Variants in RRM2 observed in about 807,000 individuals in gnomAD.
RRM2 encodes the protein ribonucleoside-diphosphate reductase subunit M2.
A neutral mutation model predicts 45.9 loss-of-function variants in RRM2; 6 were observed. That is an observed-to-expected ratio of 0.13 (90% CI 0.07 to 0.26). The LOEUF (loss-of-function observed/expected upper bound fraction) is 0.26, where lower values mean the gene tolerates loss of function less well. Among genes scored for constraint, RRM2 ranks in the 10% least tolerant of loss-of-function variants. The probability of loss-of-function intolerance (pLI) is 1.00; values close to 1 mark genes in which losing one functional copy is unlikely to be tolerated. For missense variants in RRM2, 343 were observed against 489.5 expected (o/e 0.70, Z 2.82); for synonymous variants, 177 against 173.0 (o/e 1.02, Z -0.18).
At chr2:10,124,108 CTTTTT>C (rs35723300) in intron 4 of RRM2, 255 of 251,628 alleles carry the variant, frequency 1.0e-3, no homozygotes, top group Middle Eastern at 4.0e-3. Context: ...TCTGCCCCCT[CTTTTT>C]TTTTTTTTTT....
At chr2:10,183,430 T>C (rs1664101452) in intron 3 of RRM2, among the ~76,000 whole-genome samples, 1 of 152,222 alleles carries the variant, frequency 6.6e-6, no homozygotes, top group Non-Finnish European at 1.5e-5. Flanking sequence ...GAGTCAACAG[T>C]GGCAAGAGCC....
At chr2:10,197,580 G>T (rs1196047814) in intron 3 of RRM2, among the ~76,000 whole-genome samples, 2 of 152,094 alleles carry the variant, frequency 1.3e-5, no homozygotes, top group Non-Finnish European at 2.9e-5. Context: ...ATACCTGCGG[G>T]GCGGGCACAC....
chr2:10,179,308 C>T (rs765483937), intron 3 of RRM2, among the ~76,000 whole-genome samples: 1 of 152,058 alleles, frequency 6.6e-6, no homozygotes, highest in African/African-American at 2.4e-5. Flanking sequence ...CATGCCACCA[C>T]GCCCGGCTAA....
chr2:10,196,576 C>T (rs570099890), intron 3 of RRM2, among the ~76,000 whole-genome samples: 6 of 152,220 alleles, frequency 3.9e-5, no homozygotes, highest in African/African-American at 1.4e-4. Flanking sequence ...CCAGGACCAG[C>T]CGTTGTCCCA....
At chr2:10,126,843 C>T in intron 5 of RRM2, 32 bp from the exon 6 acceptor site, 2 of 1,550,894 alleles carry the variant, frequency 1.3e-6, no homozygotes, top group Non-Finnish European at 1.8e-6. Flanking sequence ...TACTGTAATG[C>T]TTCAATTGCT....
intron 2 of RRM2, 65 bp downstream of exon 2, chr2:10,123,122 A>AT: frequency 6.7e-7 from 1 of 1,492,266 alleles, no homozygotes; most frequent in Admixed American, 2.1e-5. Flanking sequence ...CCAAAGCCGC[A>AT]TTGTTTCCTC....
chr2:10,124,026 A>G, intron 4 of RRM2, 174 bp downstream of exon 4: 1 of 615,836 alleles, frequency 1.6e-6, no homozygotes. Flanking sequence ...TTCTTATGGT[A>G]TTTTCCCGAC....
At chr2:10,208,999 C>T (rs1664710353) in intron 3 of RRM2, among the ~76,000 whole-genome samples, 1 of 150,914 alleles carries the variant, frequency 6.6e-6, no homozygotes, top group Admixed American at 6.6e-5. Flanking sequence ...CCAAACTGGC[C>T]TCCCCAGTCA....
intron 3 of RRM2, among the ~76,000 whole-genome samples, chr2:10,207,011 G>A (rs1437590163): frequency 6.6e-6 from 1 of 152,190 alleles, no homozygotes; most frequent in Non-Finnish European, 1.5e-5. Flanking sequence ...GAAGGAAAGA[G>A]GTTTCGGACG....
At chr2:10,132,783 G>T (rs1056030131), downstream of RRM2, among the ~76,000 whole-genome samples, 56 of 152,220 alleles carry the variant, frequency 3.7e-4, no homozygotes, top group African/African-American at 1.3e-3. Flanking sequence ...TATTGCACAA[G>T]TTCGGGGCAG....
intron 3 of RRM2, among the ~76,000 whole-genome samples, chr2:10,203,038 G>T (rs958782256): frequency 6.6e-6 from 1 of 152,210 alleles, no homozygotes; most frequent in Non-Finnish European, 1.5e-5. Context: ...TGGCCAAAAG[G>T]CCAGCGAGGG....
Position 10,127,155 on chromosome 2 carries a change from T to C in RRM2, c.733T>C (p.Trp245Arg). Residue 245 changes from tryptophan to arginine, a missense_variant, in exon 7 of 10, where the codon TGG (tryptophan) becomes CGG (arginine). Trp to Arg is a moderately radical substitution (Grantham distance 101). Around this residue, in one of 2 missense-constraint regions of RRM2, gnomAD observed 212 missense variants for 368.1 expected, o/e 0.58. Transcript: ENST00000304567. This position sits in a 1 kb window ranked among gnomAD's most constrained non-coding sequence, Gnocchi z 4.1. ...TTCCGGTTCTTTTGCGTCGATATTC[T>C]GGCTCAAGAAACGAGGACTGATGCC... ...FFSGSFASIFWLKKRGLMPGL... is the reference protein window; with the variant it reads ...FFSGSFASIFRLKKRGLMPGL... The C allele has an allele frequency of 1.2e-6, 2 of 1,614,224 alleles. No individual in the cohort carries two copies. The highest frequency in any genetic ancestry group is 1.7e-6 in the Non-Finnish European group (2 of 1,180,028).
At chr2:10,184,229 T>C (rs752340896) in intron 3 of RRM2, among the ~76,000 whole-genome samples, 44 of 152,020 alleles carry the variant, frequency 2.9e-4, no homozygotes, top group Non-Finnish European at 6.0e-4. Context: ...CCATTAGATC[T>C]TGGACCAGCA....
At chr2:10,152,206 C>G (rs1402484825) in intron 3 of RRM2, among the ~76,000 whole-genome samples, 1 of 152,110 alleles carries the variant, frequency 6.6e-6, no homozygotes, top group East Asian at 1.9e-4. Flanking sequence ...CCTCGGCCTC[C>G]TAAAGTGCTG....
At chr2:10,125,279 G>A (rs1372867460) in intron 5 of RRM2, among the ~76,000 whole-genome samples, 16 of 152,170 alleles carry the variant, frequency 1.1e-4, no homozygotes, top group Non-Finnish European at 2.1e-4. Context: ...TAAGGCAGAG[G>A]CAGCAGTGAA....
rs971691023 is a variant in RRM2, at chr2:10,172,854, C to T, written n.482+30479C>T. On this transcript the variant is annotated intron_variant and non_coding_transcript_variant, in intron 3 of 3. Coordinates refer to the RRM2 transcript ENST00000381786. The surrounding 1 kb of genome is among the most constrained non-coding windows in gnomAD (Gnocchi z 4.9). Reference sequence around the variant, plus strand: ...AGCTCAGGGCCCATCTGAGCAGGGGCCCGGTGTGACCACACGGATCCCATA... The same window carrying T: ...AGCTCAGGGCCCATCTGAGCAGGGGTCCGGTGTGACCACACGGATCCCATA... Among the ~76,000 whole-genome samples, 5 of 152,232 alleles carry T rather than the reference C, an allele frequency of 3.3e-5. No homozygotes were observed. Among genetic ancestry groups the T allele is most frequent in the African/African-American group, 1.2e-4 (5 of 41,452 alleles).
At chr2:10,210,888 G>C (rs1009624988) in exon 4 of RRM2, 51 of 274,900 alleles carry the variant, frequency 1.9e-4, no homozygotes, top group Non-Finnish European at 3.5e-4. Context: ...AGGACACAGA[G>C]GGCAGCCATC....
In RRM2 at chr2:10,122,917, G is replaced by A; in HGVS notation, c.99+20G>A. 1 of 1,560,836 alleles carries A rather than the reference G, an allele frequency of 6.4e-7. No homozygotes were observed. Among genetic ancestry groups the A allele is most frequent in the Admixed American group, 1.9e-5 (1 of 52,562 alleles). On this transcript the variant is annotated intron_variant, in intron 1 of 9. Transcript: ENST00000304567. ...AACACGGTGAGCCCGCGGGGAGGGCGCTGCGGGCAGGGGAGGGAGGCAGGG... is the reference window on the plus strand; with the variant it reads ...AACACGGTGAGCCCGCGGGGAGGGCACTGCGGGCAGGGGAGGGAGGCAGGG...
At chr2:10,203,055 A>G (rs1402150279) in intron 3 of RRM2, among the ~76,000 whole-genome samples, 1 of 152,230 alleles carries the variant, frequency 6.6e-6, no homozygotes, top group Non-Finnish European at 1.5e-5. Flanking sequence ...AGGGAGAAGT[A>G]ATTACCTCGG....
Sources: gnomAD v4.1 joint callset for allele counts (sites outside exome capture counted in the v4.1 genomes callset) on GRCh38, gnomAD v4.1.1 for gene constraint, gnomAD v4.1.1 regional missense constraint, Gnocchi (gnomAD v3.1) non-coding constraint, MANE v1.5 for transcripts, NCBI Gene and HGNC (gene_info 2026-07-23, HGNC 2026-07-21) for gene names.